MOB3B: variants seen among roughly 807,000 people sequenced by gnomAD.
The protein encoded by MOB3B is MOB kinase activator-like 2B.
Under a neutral mutation model 18.7 loss-of-function variants are expected in MOB3B, and 7 were observed. The ratio of observed to expected loss-of-function variants is 0.37; its 90% CI spans 0.21 to 0.70. The LOEUF is 0.70. MOB3B is among the 30% of genes least tolerant of loss of function. MOB3B has a pLI of 0.52. For missense variants in MOB3B, 253 were observed against 281.3 expected, an observed-to-expected ratio of 0.90 and a Z score of 0.72; for synonymous variants, 111 against 99.9, an observed-to-expected ratio of 1.11 and a Z score of -0.66.
At chr9:27,409,082 G>A (rs1032097506) in intron 2 of MOB3B, among the ~76,000 whole-genome samples, 8 of 152,100 alleles carry the variant, frequency 5.3e-5, no homozygotes, top group African/African-American at 7.2e-5. Flanking sequence ...CTTTATTCCC[G>A]TATCATAGTT....
At chr9:27,510,018 C>T (rs1276115227) in intron 1 of MOB3B, among the ~76,000 whole-genome samples, 1 of 152,230 alleles carries the variant, frequency 6.6e-6, no homozygotes, top group Non-Finnish European at 1.5e-5. Context: ...AGCCACTGCA[C>T]CCAGCCTCCA....
intron 3 of MOB3B, among the ~76,000 whole-genome samples, chr9:27,332,085 C>T (rs1048854143): frequency 1.3e-5 from 2 of 152,168 alleles, no homozygotes; most frequent in Non-Finnish European, 2.9e-5. Flanking sequence ...CTCAACCACT[C>T]GGGCTCAAGC....
chr9:27,405,653 CCAGA>C (rs1216964991), intron 2 of MOB3B, among the ~76,000 whole-genome samples: 1 of 151,980 alleles, frequency 6.6e-6, no homozygotes, highest in African/African-American at 2.4e-5. Context: ...AATACCAAAA[CCAGA>C]CAAAGACACA....
rs1025785106 is a variant in MOB3B, at chr9:27,509,469, G to A, written c.-199+20086C>T. ...TCTTACTCTGTTGCCCAGGCTTGAG[G>A]GCAGAGGTGCGATCTCGGCTCACTT... On this transcript the variant is annotated intron_variant, in intron 1 of 3. Transcript: ENST00000262244. Among the ~76,000 whole-genome samples, 3 of 151,824 alleles carry A rather than the reference G, an allele frequency of 2.0e-5. No individual in the cohort carries two copies. In the East Asian group the frequency reaches 5.8e-4, roughly 29 times the overall value.
intron 2 of MOB3B, among the ~76,000 whole-genome samples, chr9:27,368,545 C>T (rs1209099427): frequency 1.3e-5 from 2 of 152,150 alleles, no homozygotes; most frequent in Non-Finnish European, 2.9e-5. Context: ...TCCTGTGTAG[C>T]AGGACTTTGT....
rs140709014 is a variant in MOB3B, at chr9:27,378,929, C to T, written c.419-19693G>A. On this transcript the variant is annotated intron_variant, in intron 2 of 3. Transcript: ENST00000262244. ...AATTCTAGCCCACGTCTTCTGAGCT[C>T]AAAGCTCAAAGCTTGCTCTCTTTCC... 2.8e-3 allele frequency among the ~76,000 whole-genome samples: 429 copies of T among 152,306 alleles called. 1 individual carries two copies. Among genetic ancestry groups the T allele is most frequent in the Non-Finnish European group, 5.3e-3 (360 of 68,016 alleles).
In MOB3B at chr9:27,343,201, G is replaced by A. The variant is rs139252383; in HGVS notation, c.622-12585C>T. 7.1e-3 allele frequency among the ~76,000 whole-genome samples: 1,084 copies of A among 151,644 alleles called. 13 individuals carry two copies. The highest frequency in any genetic ancestry group is 0.025 in the African/African-American group (1,020 of 41,010). On this transcript the variant is annotated intron_variant, in intron 3 of 3. Coordinates refer to ENST00000262244, the MANE Select transcript of MOB3B (RefSeq NM_024761.5). ...CCCAACCCCGTGCTCTCTGAAACAT[G>A]TGCTGTGTCCACTCAGGGTTAAATG...
chr9:27,525,821 GTTAAT>G (rs1820428086), intron 1 of MOB3B, among the ~76,000 whole-genome samples: 1 of 152,292 alleles, frequency 6.6e-6, no homozygotes, highest in African/African-American at 2.4e-5. Context: ...CATTCTGTGA[GTTAAT>G]TTAACTAGCT....
chr9:27,402,640 T>C (rs1400660719), intron 2 of MOB3B, among the ~76,000 whole-genome samples: 1 of 152,252 alleles, frequency 6.6e-6, no homozygotes, highest in African/African-American at 2.4e-5. Flanking sequence ...AAAATTGCTA[T>C]GAAACTTGTT....
intron 1 of MOB3B, among the ~76,000 whole-genome samples, chr9:27,474,089 T>A (rs1819515194): frequency 6.6e-6 from 1 of 152,168 alleles, no homozygotes; most frequent in African/African-American, 2.4e-5. Context: ...AGCCACCCAG[T>A]CTAAGGTATC....
At chr9:27,512,344 A>C (rs1041673979) in intron 1 of MOB3B, among the ~76,000 whole-genome samples, 1 of 152,208 alleles carries the variant, frequency 6.6e-6, no homozygotes, top group African/African-American at 2.4e-5. Flanking sequence ...TATTTATAAA[A>C]ATAATAAATC....
intron 1 of MOB3B, among the ~76,000 whole-genome samples, chr9:27,503,769 C>T (rs892524239): frequency 6.6e-6 from 1 of 152,224 alleles, no homozygotes; most frequent in African/African-American, 2.4e-5. Flanking sequence ...CTGAGGGCCT[C>T]TCAAAGAAGC....
intron 2 of MOB3B, among the ~76,000 whole-genome samples, chr9:27,388,351 G>T (rs368931738): frequency 9.2e-5 from 14 of 152,144 alleles, no homozygotes; most frequent in Admixed American, 5.9e-4. Context: ...AGCTGGCTTG[G>T]TCCCCAAGCA....
At chr9:27,459,549 C>A (rs1819246822) in intron 1 of MOB3B, among the ~76,000 whole-genome samples, 1 of 152,076 alleles carries the variant, frequency 6.6e-6, no homozygotes. Flanking sequence ...AATGAATAAA[C>A]AAACTTCCAT....
At chr9:27,516,083 C>T (rs1020122365) in intron 1 of MOB3B, among the ~76,000 whole-genome samples, 1 of 152,170 alleles carries the variant, frequency 6.6e-6, no homozygotes. Flanking sequence ...CCAAAGAACA[C>T]TAAGTACTAC....
intron 2 of MOB3B, among the ~76,000 whole-genome samples, chr9:27,368,674 C>A (rs1172629285): frequency 6.6e-6 from 1 of 152,198 alleles, no homozygotes; most frequent in Non-Finnish European, 1.5e-5. Flanking sequence ...CTCCCCAGCC[C>A]CTTTGTGCTG....
chr9:27,348,598 A>T (rs536988618), intron 3 of MOB3B, among the ~76,000 whole-genome samples: 4 of 152,112 alleles, frequency 2.6e-5, no homozygotes, highest in Non-Finnish European at 5.9e-5. Context: ...GGTTGCAGTG[A>T]GCCGAGATCA....
intron 1 of MOB3B, among the ~76,000 whole-genome samples, chr9:27,463,902 A>G: frequency 6.6e-6 from 1 of 152,076 alleles, no homozygotes; most frequent in Non-Finnish European, 1.5e-5. Flanking sequence ...GACTGCAGTG[A>G]GCCATGATTG....
At chr9:27,343,426 A>T (rs1476189245) in intron 3 of MOB3B, among the ~76,000 whole-genome samples, 5 of 145,172 alleles carry the variant, frequency 3.4e-5, no homozygotes, top group Non-Finnish European at 7.4e-5. Flanking sequence ...TTGTCCTATG[A>T]CCCTGCCAAA....
Sources: gnomAD v4.1 joint callset for allele counts (sites outside exome capture counted in the v4.1 genomes callset) on GRCh38, gnomAD v4.1.1 for gene constraint, MANE v1.5 for transcripts, NCBI Gene and HGNC (gene_info 2026-07-23, HGNC 2026-07-21) for gene names.